The following ZNF236 variants were observed in gnomAD, a reference collection of about 807,000 sequenced individuals.
ZNF236 encodes regulated by glucose.
ZNF236 carries 50 observed loss-of-function variants against 191.2 expected under a neutral mutation model. The observed-to-expected ratio is 0.26, with a 90% confidence interval of 0.21 to 0.33. The LOEUF (loss-of-function observed/expected upper bound fraction) is 0.33, where lower values mean the gene tolerates loss of function less well. ZNF236 is among the 10% of genes least tolerant of loss of function. ZNF236 has a pLI of 1.00. For synonymous variants in ZNF236, 907 were observed against 928.8 expected, an observed-to-expected ratio of 0.98 and a Z score of 0.43; for missense variants, 1,754 against 2,374.5, an observed-to-expected ratio of 0.74 and a Z score of 5.43.
At chr18:76,953,767 C>T (rs1242104380) in intron 27 of ZNF236, among the ~76,000 whole-genome samples, 2 of 152,174 alleles carry the variant, frequency 1.3e-5, no homozygotes, top group African/African-American at 4.8e-5. Context: ...GACCTTGTTT[C>T]AGTTCAGCAA....
chr18:76,827,356 T>C (rs1157780464), intron 1 of ZNF236, among the ~76,000 whole-genome samples: 1 of 152,156 alleles, frequency 6.6e-6, no homozygotes, highest in Non-Finnish European at 1.5e-5. Flanking sequence ...CGGCTAATCT[T>C]TTTGTATTTT....
Position 76,937,143 on chromosome 18 carries a change from G to T in ZNF236, c.4595-13G>T, listed in dbSNP as rs116132981. ...GCCTTCCCATTGATCTACTTACTTT[G>T]CCTCTTTTGTAGAACTTAACACTAC... On this transcript the variant is annotated splice_polypyrimidine_tract_variant and intron_variant, in intron 25 of 30. Transcript: ENST00000320610. 6.2e-7 allele frequency: 1 copy of T among 1,609,504 alleles called. No individual in the cohort carries two copies. The highest frequency in any genetic ancestry group is 1.7e-5 in the Admixed American group (1 of 59,964).
At chr18:76,866,214 T>A (rs897514736) in intron 3 of ZNF236, among the ~76,000 whole-genome samples, 1 of 152,204 alleles carries the variant, frequency 6.6e-6, no homozygotes, top group African/African-American at 2.4e-5. Context: ...CGGAAGACAT[T>A]GTTCACATTT....
chr18:76,834,807 T>G, intron 1 of ZNF236: 1 of 472,356 alleles, frequency 2.1e-6, no homozygotes, highest in Admixed American at 2.2e-5. Context: ...GACAAAATCT[T>G]CCTGCGAATG....
intron 3 of ZNF236, among the ~76,000 whole-genome samples, chr18:76,858,630 G>A (rs1976118881): frequency 6.6e-6 from 1 of 150,564 alleles, no homozygotes; most frequent in Non-Finnish European, 1.5e-5. Flanking sequence ...GAGGGCTCAG[G>A]TGGAGGCGAG....
intron 18 of ZNF236, 42 bp downstream of exon 18, chr18:76,913,940 A>G (rs767368547): frequency 6.2e-7 from 1 of 1,607,154 alleles, no homozygotes; most frequent in Non-Finnish European, 8.5e-7. Context: ...CCTTTAAAGA[A>G]AAAAGCTTTA....
At chr18:76,964,363 A>G (rs1468145150) in intron 30 of ZNF236, among the ~76,000 whole-genome samples, 4 of 152,250 alleles carry the variant, frequency 2.6e-5, no homozygotes, top group African/African-American at 7.2e-5. Context: ...ATGTATTTGC[A>G]TGGTTTTGAA....
At chr18:76,910,260 C>A in intron 15 of ZNF236, 91 bp downstream of exon 15, 1 of 1,137,768 alleles carries the variant, frequency 8.8e-7, no homozygotes, top group Non-Finnish European at 1.3e-6. Flanking sequence ...TCTCTTAAGG[C>A]CCTTCTAAAG....
chr18:76,893,877 C>T (rs1199592209), intron 9 of ZNF236, among the ~76,000 whole-genome samples: 1 of 152,184 alleles, frequency 6.6e-6, no homozygotes, highest in African/African-American at 2.4e-5. Flanking sequence ...TGGTTTCTAT[C>T]TTTACAGATT....
rs1469475280 is a variant in ZNF236, at chr18:76,851,826, A to G, written c.250A>G (p.Thr84Ala). 6.2e-7 allele frequency: 1 copy of G among 1,613,958 alleles called. No homozygotes were observed. The highest frequency in any genetic ancestry group is 8.5e-7 in the Non-Finnish European group (1 of 1,179,976). ...AACATTTAATGTTGAATTCAACCTG[A>G]CACTTCATAAATGCACCCACAGCGG... ...PQTFNVEFNL[T>A]LHKCTHSGED... Residue 84 changes from threonine to alanine, a missense_variant, in exon 3 of 31, where the codon ACA becomes GCA. Physicochemically the swap from Thr to Ala is moderately conservative, Grantham distance 58 (BLOSUM62 0). This residue lies in a region of ZNF236 where 336 missense variants were observed against 495.1 expected (regional missense o/e 0.68). Coordinates refer to ENST00000320610, the MANE Select transcript of ZNF236 (RefSeq NM_001306089.2).
rs548431832 is a variant in ZNF236 at position 76,851,873 on chromosome 18, G to A, written c.297G>A (p.Val99=). 3 of 1,613,948 alleles carry A rather than the reference G, an allele frequency of 1.9e-6. No individual in the cohort carries two copies. The highest frequency in any genetic ancestry group is 1.3e-5 in the African/African-American group (1 of 75,048). The part of the protein sequence containing the change: ...THSGEDPTCP[V]CNKKFSRVAS... ...GCGGGGAAGATCCTACCTGCCCTGTGTGTAACAAGAAATTCTCCAGAGTGG... is the reference window on the plus strand; with the variant it reads ...GCGGGGAAGATCCTACCTGCCCTGTATGTAACAAGAAATTCTCCAGAGTGG... The change falls in exon 3 of 31, where the codon GTG becomes GTA. Residue 99 remains valine (V), a synonymous_variant. Coordinates refer to ENST00000320610, the MANE Select transcript of ZNF236 (RefSeq NM_001306089.2).
At chr18:76,865,733 A>G (rs1027551285) in intron 3 of ZNF236, among the ~76,000 whole-genome samples, 3 of 152,226 alleles carry the variant, frequency 2.0e-5, no homozygotes, top group Non-Finnish European at 4.4e-5. Flanking sequence ...CCTAAGGGTT[A>G]AACTCTGAAA....
At chr18:76,862,616 A>T (rs1976274947) in intron 3 of ZNF236, among the ~76,000 whole-genome samples, 1 of 152,094 alleles carries the variant, frequency 6.6e-6, no homozygotes, top group Non-Finnish European at 1.5e-5. Context: ...CTCCCTCCAG[A>T]GTGTGTCAGT....
intron 1 of ZNF236, among the ~76,000 whole-genome samples, chr18:76,844,281 A>G (rs1454492256): frequency 6.6e-6 from 1 of 150,542 alleles, no homozygotes; most frequent in African/African-American, 2.4e-5. Context: ...GGTGGTAGAG[A>G]TGACCTAAAG....
intron 10 of ZNF236, among the ~76,000 whole-genome samples, chr18:76,895,989 G>T (rs760065078): frequency 2.0e-5 from 3 of 152,066 alleles, no homozygotes; most frequent in Non-Finnish European, 2.9e-5. Context: ...AGCCACGTGG[G>T]CACTGGCCAC....
At chr18:76,866,404 A>T (rs571236958) in intron 3 of ZNF236, among the ~76,000 whole-genome samples, 2,298 of 152,304 alleles carry the variant, frequency 0.015, 26 homozygotes, top group Middle Eastern at 0.02. Context: ...GAAGGCCAGG[A>T]CAGGAGACAG....
At chr18:76,933,187 G>T (rs965322305) in intron 25 of ZNF236, among the ~76,000 whole-genome samples, 1 of 152,168 alleles carries the variant, frequency 6.6e-6, no homozygotes, top group Non-Finnish European at 1.5e-5. Flanking sequence ...AGCCAGCCGA[G>T]GCCGGGCATG....
chr18:76,910,112 C>G lies in ZNF236; in HGVS notation c.2596C>G (p.Gln866Glu). The G allele has an allele frequency of 2.5e-6, 4 of 1,613,662 alleles. No individual in the cohort carries two copies. Among genetic ancestry groups the G allele is most frequent in the Non-Finnish European group, 3.4e-6 (4 of 1,179,594 alleles). Residue 866 changes from glutamine to glutamate, a missense_variant, in exon 15 of 31, where the codon CAG becomes GAG. Physicochemically the swap from Gln to Glu is conservative, Grantham distance 29 (BLOSUM62 2). Coordinates refer to ENST00000320610, the MANE Select transcript of ZNF236 (RefSeq NM_001306089.2). ...PQDPLRGHVDQFEEQSPAQQS... is the reference protein window; with the variant it reads ...PQDPLRGHVDEFEEQSPAQQS... ...GGACCCTCTGCGAGGGCACGTAGAC[C>G]AGTTTGAAGAGCAGAGCCCTGCGCA...
chr18:76,957,711 A>G (rs1202089934), intron 28 of ZNF236, among the ~76,000 whole-genome samples: 2 of 151,970 alleles, frequency 1.3e-5, no homozygotes, highest in East Asian at 1.9e-4. Context: ...GCTCCTCTCT[A>G]CGGGTCCATG....
Sources: gnomAD v4.1 joint callset for allele counts (sites outside exome capture counted in the v4.1 genomes callset) on GRCh38, gnomAD v4.1.1 for gene constraint, gnomAD v4.1.1 regional missense constraint, MANE v1.5 for transcripts, NCBI Gene and HGNC (gene_info 2026-07-23, HGNC 2026-07-21) for gene names.